TBC1D1: variants seen among roughly 807,000 people sequenced by gnomAD.
TBC1D1 encodes TBC1 (tre-2/USP6, BUB2, cdc16) domain family, member 1.
A neutral mutation model predicts 125.6 loss-of-function variants in TBC1D1; 89 were observed. The ratio of observed to expected loss-of-function variants is 0.71; its 90% CI spans 0.60 to 0.85. The LOEUF (loss-of-function observed/expected upper bound fraction) is 0.85. Ranked by LOEUF, TBC1D1 falls within the 40% of genes least tolerant of loss-of-function variation. The pLI, the probability that TBC1D1 is intolerant of heterozygous loss-of-function variation, is 0.00. For synonymous variants in TBC1D1, 565 were observed against 564.1 expected (o/e 1.00, Z -0.02); for missense variants, 1,377 against 1,469.2 (o/e 0.94, Z 1.03).
chr4:37,951,988 C>T (rs374693040), intron 2 of TBC1D1: 3 of 717,464 alleles, frequency 4.2e-6, no homozygotes, highest in East Asian at 2.7e-5. Context: ...TATGTATAAG[C>T]CTTTCCCTGT....
rs1452284755 is a variant in TBC1D1, at chr4:37,987,986, C to T, written c.418-26523C>T. On this transcript the variant is annotated intron_variant, in intron 2 of 19. Coordinates refer to ENST00000261439, the MANE Select transcript of TBC1D1 (RefSeq NM_015173.4). ...AGCACACTAGGCAGGCAGTAGCAGG[C>T]GTGGGGTGCAGGTCCCAGTGTGCTC... is the stretch of plus-strand genomic sequence containing the variant. Among the ~76,000 whole-genome samples the T allele has an allele frequency of 3.9e-5, 6 of 152,276 alleles. No individual in the cohort carries two copies. In the South Asian group the frequency reaches 6.2e-4, roughly 16 times the overall value.
chr4:38,108,327 C>T (rs537786897), intron 15 of TBC1D1, among the ~76,000 whole-genome samples: 6 of 152,328 alleles, frequency 3.9e-5, no homozygotes, highest in African/African-American at 1.4e-4. Context: ...AGGCGTGCAG[C>T]CTCTCCCATG....
At chr4:38,118,986 C>T (rs575890174) in intron 17 of TBC1D1, among the ~76,000 whole-genome samples, 7 of 152,256 alleles carry the variant, frequency 4.6e-5, no homozygotes, top group Non-Finnish European at 7.4e-5. Flanking sequence ...ATGGTCAGTT[C>T]GGGCACAGTT....
intron 3 of TBC1D1, among the ~76,000 whole-genome samples, chr4:38,016,951 T>C (rs1024810148): frequency 6.6e-6 from 1 of 152,122 alleles, no homozygotes. Flanking sequence ...GAAGCTGTTG[T>C]AGTAGTCCAG....
In TBC1D1 at chr4:38,049,864, C is replaced by A; in HGVS notation, c.1876C>A (p.His626Asn). The change falls in exon 11 of 20, where the codon CAC becomes AAC. Residue 626 changes from histidine to asparagine, a missense_variant. By Grantham distance (68) the His-to-Asn change is moderately conservative (BLOSUM62 1). Around this residue, in one of 3 missense-constraint regions of TBC1D1, gnomAD observed 822 missense variants for 824.6 expected, o/e 1.00. Coordinates refer to ENST00000261439, the MANE Select transcript of TBC1D1 (RefSeq NM_015173.4). The stretch of plus-strand genomic sequence containing the variant: ...TTCGCAAAGGAAACTTATGAGGTAT[C>A]ACTCAGTGAGCACAGAGACGCCTCA... 3 of 1,613,950 alleles carry A rather than the reference C, an allele frequency of 1.9e-6. No individual in the cohort carries two copies. Among genetic ancestry groups the A allele is most frequent in the Non-Finnish European group, 2.5e-6 (3 of 1,179,982 alleles).
intron 2 of TBC1D1, among the ~76,000 whole-genome samples, chr4:37,904,930 G>A (rs933229295): frequency 6.6e-6 from 1 of 152,326 alleles, no homozygotes; most frequent in East Asian, 1.9e-4. Context: ...GCATTCTCTT[G>A]ACTACTTATA....
chr4:37,964,465 C>T lies in TBC1D1; in HGVS notation c.418-50044C>T, dbSNP rs73810073. 8.9e-3 allele frequency among the ~76,000 whole-genome samples: 1,352 copies of T among 152,334 alleles called. 19 individuals carry two copies. The highest frequency in any genetic ancestry group is 0.031 in the African/African-American group (1,286 of 41,568). The stretch of plus-strand genomic sequence containing the variant: ...ATTAGGCTGTGGCGAGGACCAAGCC[C>T]GCTGCCACTGAATTTCCTAGGCACT... On this transcript the variant is annotated intron_variant, in intron 2 of 19. Transcript: ENST00000261439.
chr4:37,897,004 C>T (rs1041111135), intron 1 of TBC1D1, among the ~76,000 whole-genome samples: 3 of 151,840 alleles, frequency 2.0e-5, no homozygotes, highest in Non-Finnish European at 4.4e-5. Flanking sequence ...AGGGATAGGG[C>T]GTGTACACAG....
At chr4:37,914,509 G>A (rs1415221523) in intron 2 of TBC1D1, among the ~76,000 whole-genome samples, 2 of 152,056 alleles carry the variant, frequency 1.3e-5, no homozygotes, top group South Asian at 2.1e-4. Context: ...AGCCTGAGGC[G>A]CCATTATATC....
chr4:38,069,470 G>A (rs1274992736), intron 12 of TBC1D1, among the ~76,000 whole-genome samples: 1 of 152,194 alleles, frequency 6.6e-6, no homozygotes, highest in Non-Finnish European at 1.5e-5. Flanking sequence ...TAATCAAAAG[G>A]AGGCTTTTAA....
chr4:38,125,199 T>C, intron 18 of TBC1D1, 68 bp downstream of exon 20: 2 of 1,499,408 alleles, frequency 1.3e-6, no homozygotes, highest in African/African-American at 2.8e-5. Flanking sequence ...AAATCTCTCT[T>C]GAGCAGGAAC....
chr4:38,071,859 G>A (rs7695785), intron 12 of TBC1D1, among the ~76,000 whole-genome samples: 65,103 of 152,102 alleles, frequency 0.43, 15,637 homozygotes, highest in East Asian at 0.66. Context: ...CCAATGCTCC[G>A]TTTTACAGAT....
chr4:38,014,588 ACG>A lies in TBC1D1; in HGVS notation c.498_499del (p.Asp166GlufsTer81). The A allele has an allele frequency of 6.2e-7, 1 of 1,613,348 alleles. No individual in the cohort carries two copies. Among genetic ancestry groups the A allele is most frequent in the Non-Finnish European group, 8.5e-7 (1 of 1,180,016 alleles). On this transcript the variant is annotated frameshift_variant, in exon 3 of 20. Coordinates refer to ENST00000261439, the MANE Select transcript of TBC1D1 (RefSeq NM_015173.4). LOFTEE classifies it high-confidence loss of function. This position sits in a 1 kb window ranked among gnomAD's most constrained non-coding sequence, Gnocchi z 5.1. ...GAGCTGCACTGCCCGTCCGAGTTCG[ACG>A]ACACGTTTTCCAAGAAGTTCGAGGT... is the stretch of plus-strand genomic sequence containing the variant.
intron 2 of TBC1D1, among the ~76,000 whole-genome samples, chr4:37,970,723 G>C (rs953204796): frequency 6.6e-6 from 1 of 152,244 alleles, no homozygotes; most frequent in Non-Finnish European, 1.5e-5. Flanking sequence ...TTTCCTGCAA[G>C]GACTTCTGTG....
At chr4:37,902,804 G>A (rs1377204683) in intron 2 of TBC1D1, among the ~76,000 whole-genome samples, 1 of 152,202 alleles carries the variant, frequency 6.6e-6, no homozygotes, top group Non-Finnish European at 1.5e-5. Context: ...TCAGATGAAT[G>A]TTCTAAAGCC....
At chr4:37,972,436 G>A (rs1009627358) in intron 2 of TBC1D1, among the ~76,000 whole-genome samples, 10 of 148,110 alleles carry the variant, frequency 6.8e-5, no homozygotes, top group East Asian at 6.0e-4. Flanking sequence ...AGCTGAGATC[G>A]TGCCATTGCA....
At chr4:38,084,003 T>A (rs902218002) in intron 12 of TBC1D1, among the ~76,000 whole-genome samples, 3 of 148,722 alleles carry the variant, frequency 2.0e-5, no homozygotes, top group Non-Finnish European at 4.4e-5. Flanking sequence ...AGTGGCACTA[T>A]CTTGGCTCAC....
At chr4:37,957,348 A>C (rs999646874) in intron 2 of TBC1D1, among the ~76,000 whole-genome samples, 1 of 152,246 alleles carries the variant, frequency 6.6e-6, no homozygotes, top group Non-Finnish European at 1.5e-5. Context: ...TGCTGGGCAC[A>C]GTGGCTCATG....
At chr4:38,086,160 T>TAAA (rs71190949) in intron 12 of TBC1D1, among the ~76,000 whole-genome samples, 74 of 152,122 alleles carry the variant, frequency 4.9e-4, no homozygotes, top group African/African-American at 5.1e-4. Flanking sequence ...TCGTAAACTA[T>TAAA]AAAAAAATCA....
Sources: allele counts gnomAD v4.1 joint callset (sites outside exome capture counted in the v4.1 genomes callset), GRCh38; gene constraint gnomAD v4.1.1; regional missense constraint gnomAD v4.1.1; non-coding constraint Gnocchi (gnomAD v3.1); transcripts MANE v1.5; gene names NCBI Gene and HGNC (gene_info 2026-07-23, HGNC 2026-07-21).